The following PCDHGB6 variants were observed in gnomAD, a reference collection of about 807,000 sequenced individuals.
The protein encoded by PCDHGB6 is protocadherin gamma-B6.
In PCDHGB6, 51 loss-of-function variants were observed where a neutral mutation model predicts 59.1. The ratio of observed to expected loss-of-function variants is 0.86; its 90% CI spans 0.69 to 1.09. The LOEUF (loss-of-function observed/expected upper bound fraction) is 1.09. PCDHGB6 is among the 50% of genes least tolerant of loss of function. PCDHGB6 has a pLI of 0.00. For missense variants in PCDHGB6, 1,148 were observed against 1,205.1 expected (o/e 0.95, Z 0.70); for synonymous variants, 466 against 495.1 (o/e 0.94, Z 0.78).
intron 1 of PCDHGB6, chr5:141,426,765 G>A (rs1343961009): frequency 1.8e-5 from 8 of 456,530 alleles, no homozygotes; most frequent in Non-Finnish European, 3.5e-5. Flanking sequence ...AGATGCAGAT[G>A]TAGGGCCTCA....
At chr5:141,473,168 A>G (rs1026233643) in intron 1 of PCDHGB6, among the ~76,000 whole-genome samples, 2 of 152,218 alleles carry the variant, frequency 1.3e-5, no homozygotes, top group Admixed American at 1.3e-4. Context: ...AGGAAGGCCC[A>G]CTGGTAACTT....
intron 2 of PCDHGB6, 105 bp downstream of exon 2, chr5:141,494,970 C>T (rs1352514628): frequency 1.9e-6 from 3 of 1,584,974 alleles, no homozygotes; most frequent in East Asian, 4.6e-5. Context: ...GATGGCTTCT[C>T]CCTCAGTTTG....
At chr5:141,419,939 G>T in intron 1 of PCDHGB6, 1 of 1,614,054 alleles carries the variant, frequency 6.2e-7, no homozygotes. Flanking sequence ...TTACCTGGTG[G>T]TGGCCTTGGC....
At chr5:141,419,477 C>G (rs760970548) in intron 1 of PCDHGB6, 1 of 1,612,420 alleles carries the variant, frequency 6.2e-7, no homozygotes, top group Non-Finnish European at 8.5e-7. Flanking sequence ...CCAGGGCTCG[C>G]CCGCGCTCAG....
chr5:141,485,944 G>C lies in PCDHGB6; in HGVS notation c.2419-8863G>C, dbSNP rs2099621875. 1 of 1,613,998 alleles carries C rather than the reference G, an allele frequency of 6.2e-7. No homozygotes were observed. Reference sequence around the variant, plus strand: ...TTAGTGTGTTGGAGAGCGCACCAGCGGGCATGGTGCTCATCCAGCTCAATG... The same window carrying C: ...TTAGTGTGTTGGAGAGCGCACCAGCCGGCATGGTGCTCATCCAGCTCAATG... On this transcript the variant is annotated intron_variant, in intron 1 of 3. Transcript: ENST00000520790. This position sits in a 1 kb window ranked among gnomAD's most constrained non-coding sequence, Gnocchi z 5.7.
At chr5:141,502,074 C>G (rs73794927) in intron 2 of PCDHGB6, among the ~76,000 whole-genome samples, 1,657 of 152,272 alleles carry the variant, frequency 0.011, 27 homozygotes, top group African/African-American at 0.037. Flanking sequence ...CCCCCTTCAC[C>G]TGGGGCTGAG....
chr5:141,485,935 C>A lies in PCDHGB6; in HGVS notation c.2419-8872C>A. The stretch of plus-strand genomic sequence containing the variant: ...GCTACAGGATTAGTGTGTTGGAGAG[C>A]GCACCAGCGGGCATGGTGCTCATCC... On this transcript the variant is annotated intron_variant, in intron 1 of 3. Coordinates refer to ENST00000520790, the MANE Select transcript of PCDHGB6 (RefSeq NM_018926.3). This position sits in a 1 kb window ranked among gnomAD's most constrained non-coding sequence, Gnocchi z 5.7. The A allele has an allele frequency of 3.1e-6, 5 of 1,614,144 alleles. No homozygotes were observed. Among genetic ancestry groups the A allele is most frequent in the Non-Finnish European group, 3.4e-6 (4 of 1,180,030 alleles).
At chr5:141,419,959 T>C (rs765017440) in intron 1 of PCDHGB6, 5 of 1,614,104 alleles carry the variant, frequency 3.1e-6, no homozygotes, top group Non-Finnish European at 3.4e-6. Flanking sequence ...CCTTGATTTC[T>C]GTGCTCTTTC....
chr5:141,439,965 T>C (rs1212358198), intron 1 of PCDHGB6: 1 of 152,760 alleles, frequency 6.5e-6, no homozygotes, highest in Non-Finnish European at 1.5e-5. Flanking sequence ...CGTTATTCAG[T>C]CCTAGAGGAG....
chr5:141,415,325 C>A (rs1046074461), intron 1 of PCDHGB6: 2 of 1,614,094 alleles, frequency 1.2e-6, no homozygotes, highest in Non-Finnish European at 1.7e-6. Context: ...GTGCTGCTGG[C>A]GCACAGGCTG....
At chr5:141,439,009 G>T (rs1474312524) in intron 1 of PCDHGB6, among the ~76,000 whole-genome samples, 1 of 151,594 alleles carries the variant, frequency 6.6e-6, no homozygotes, top group Non-Finnish European at 1.5e-5. Flanking sequence ...TGGTTTGTTT[G>T]TCAAATTTTG....
intron 1 of PCDHGB6, chr5:141,430,441 C>A (rs1168234012): frequency 5.2e-6 from 1 of 192,346 alleles, no homozygotes; most frequent in Non-Finnish European, 1.0e-5. Flanking sequence ...GATTTCCATC[C>A]CCTTTTGAAG....
intron 1 of PCDHGB6, chr5:141,416,261 A>G (rs2096009073): frequency 6.6e-6 from 1 of 152,294 alleles, no homozygotes; most frequent in Non-Finnish European, 1.5e-5. Flanking sequence ...ACACTGCAGT[A>G]TCCTTTTTGC....
intron 1 of PCDHGB6, among the ~76,000 whole-genome samples, chr5:141,480,949 G>A (rs949853273): frequency 2.0e-4 from 30 of 152,136 alleles, no homozygotes; most frequent in African/African-American, 4.6e-4. Flanking sequence ...AGAGGCTGAG[G>A]CGGAAGCATC....
At chr5:141,459,375 C>T (rs973503237) in intron 1 of PCDHGB6, among the ~76,000 whole-genome samples, 2 of 152,194 alleles carry the variant, frequency 1.3e-5, no homozygotes, top group African/African-American at 4.8e-5. Flanking sequence ...GTATCAGCAG[C>T]GTGTTCCATT....
Position 141,476,387 on chromosome 5 carries a change from C to G in PCDHGB6, c.2419-18420C>G, listed in dbSNP as rs147660262. Reference sequence around the variant, plus strand: ...GACCGGAGAGATGTTTGTGAACGACCGTCTGGATCGAGAGGAGCTGTGTGG... The same window carrying G: ...GACCGGAGAGATGTTTGTGAACGACGGTCTGGATCGAGAGGAGCTGTGTGG... On this transcript the variant is annotated intron_variant, in intron 1 of 3. Coordinates refer to ENST00000520790, the MANE Select transcript of PCDHGB6 (RefSeq NM_018926.3). The surrounding 1 kb of genome is among the most constrained non-coding windows in gnomAD (Gnocchi z 7.6). 3.6e-4 allele frequency: 587 copies of G among 1,614,076 alleles called. No individual in the cohort carries two copies. The highest frequency in any genetic ancestry group is 4.7e-4 in the Non-Finnish European group (549 of 1,180,024).
chr5:141,487,798 G>A lies in PCDHGB6; in HGVS notation c.2419-7009G>A, dbSNP rs1197016007. 6.7e-7 allele frequency: 1 copy of A among 1,498,792 alleles called. No homozygotes were observed. Among genetic ancestry groups the A allele is most frequent in the South Asian group, 1.3e-5 (1 of 78,368 alleles). 92.8% of individuals were successfully genotyped at this position (1,498,792 alleles called of 1,614,324 possible). On this transcript the variant is annotated intron_variant, in intron 1 of 3. Coordinates refer to ENST00000520790, the MANE Select transcript of PCDHGB6 (RefSeq NM_018926.3). The surrounding 1 kb of genome is among the most constrained non-coding windows in gnomAD (Gnocchi z 5.0). ...ACTGTTTCGTGAATTAACCAGAGTT[G>A]TCACAGTTTAGCATTGGGGGCGGGT...
intron 1 of PCDHGB6, among the ~76,000 whole-genome samples, chr5:141,465,116 C>A (rs2099097321): frequency 6.6e-6 from 1 of 150,972 alleles, no homozygotes; most frequent in Non-Finnish European, 1.5e-5. Context: ...AGTGTTTTAG[C>A]CTAAATTTGT....
Position 141,433,071 on chromosome 5 carries a change from C to T in PCDHGB6, c.2418+22451C>T, listed in dbSNP as rs2097566106. On this transcript the variant is annotated intron_variant, in intron 1 of 3. Transcript: ENST00000520790. ...TCGCGGAAGAGTCACCTGATCTTCC[C>T]CCAGCCCAACTATGCAGACATGCTC... 2.5e-6 allele frequency: 4 copies of T among 1,614,154 alleles called. No homozygotes were observed. The East Asian group carries it at 8.9e-5, about 36-fold the overall frequency.
Sources: gnomAD v4.1 joint callset for allele counts (sites outside exome capture counted in the v4.1 genomes callset) on GRCh38, gnomAD v4.1.1 for gene constraint, Gnocchi (gnomAD v3.1) non-coding constraint, MANE v1.5 for transcripts, NCBI Gene and HGNC (gene_info 2026-07-23, HGNC 2026-07-21) for gene names.